The following TSC22D3 variants were observed in gnomAD, a reference collection of about 807,000 sequenced individuals.
The protein encoded by TSC22D3 is TSC22 domain family protein 3.
TSC22D3 carries 4 observed loss-of-function variants against 11.1 expected under a neutral mutation model. The observed-to-expected ratio is 0.36, with a 90% CI of 0.18 to 0.83. The LOEUF (loss-of-function observed/expected upper bound fraction) is 0.83. TSC22D3 is among the 40% of genes least tolerant of loss of function. TSC22D3 has a pLI of 0.48. For synonymous variants in TSC22D3, 77 were observed against 70.3 expected, an observed-to-expected ratio of 1.10 and a Z score of -0.48; for missense variants, 118 against 159.4, an observed-to-expected ratio of 0.74 and a Z score of 1.40.
chrX:107,722,044 G>C lies in TSC22D3; in HGVS notation c.321-6094C>G, dbSNP rs752496806. The C allele has an allele frequency of 8.6e-6, 3 of 349,628 alleles. No homozygotes were observed. In the South Asian group the frequency reaches 2.6e-4, roughly 31 times the overall value. 28.8% of individuals were successfully genotyped at this position (349,628 alleles called of 1,213,427 possible). On this transcript the variant is annotated intron_variant, in intron 1 of 2. Transcript: ENST00000372383. Reference sequence around the variant, plus strand: ...TTTCATGGAAAATCCCCAAAGTCCAGAAGGAGGGAAGCAAGAAGGAAAGAC... The same window carrying C: ...TTTCATGGAAAATCCCCAAAGTCCACAAGGAGGGAAGCAAGAAGGAAAGAC...
At chrX:107,741,774 G>C (rs1262004198) in intron 1 of TSC22D3, among the ~76,000 whole-genome samples, 2 of 111,815 alleles carry the variant, frequency 1.8e-5, no homozygotes, top group African/African-American at 6.5e-5. Flanking sequence ...TACTCTCTGT[G>C]GTCCAAGGAA....
chrX:107,717,423 C>A (rs1367420727), intron 1 of TSC22D3, among the ~76,000 whole-genome samples: 1 of 112,654 alleles, frequency 8.9e-6, no homozygotes, highest in Non-Finnish European at 1.9e-5. Flanking sequence ...CCATGTCATA[C>A]TCCCTGGACA....
intron 1 of TSC22D3, among the ~76,000 whole-genome samples, chrX:107,721,686 G>T (rs183876149): frequency 1.8e-5 from 2 of 112,005 alleles, no homozygotes; most frequent in African/African-American, 6.5e-5. Context: ...AGGTGCGGGA[G>T]AAGCCACAAA....
chrX:107,754,265 A>G (rs754260439), intron 1 of TSC22D3, among the ~76,000 whole-genome samples: 4 of 111,213 alleles, frequency 3.6e-5, no homozygotes, highest in Non-Finnish European at 5.7e-5. Context: ...TTTCTCCTAC[A>G]TTATCTCTTA....
intron 1 of TSC22D3, among the ~76,000 whole-genome samples, chrX:107,767,543 A>G (rs1929721914): frequency 8.9e-6 from 1 of 112,349 alleles, no homozygotes; most frequent in African/African-American, 3.2e-5. Context: ...TACTGATGAA[A>G]TTCCCTCCTG....
intron 1 of TSC22D3, among the ~76,000 whole-genome samples, chrX:107,738,641 G>C (rs1378087716): frequency 8.8e-6 from 1 of 113,376 alleles, no homozygotes; most frequent in Non-Finnish European, 1.9e-5. Context: ...ATGGGGCATA[G>C]GGAGTCTGGC....
At chrX:107,743,684 G>T (rs1051020276) in intron 1 of TSC22D3, among the ~76,000 whole-genome samples, 3 of 112,026 alleles carry the variant, frequency 2.7e-5, no homozygotes, top group Non-Finnish European at 3.8e-5. Context: ...TCACATGTAG[G>T]GCTCGATGTC....
At chrX:107,772,794 T>G (rs1172099191) in intron 1 of TSC22D3, among the ~76,000 whole-genome samples, 1 of 111,543 alleles carries the variant, frequency 9.0e-6, no homozygotes, top group African/African-American at 3.3e-5. Context: ...GAGGCTGCAG[T>G]GAGCTGTGAT....
chrX:107,751,317 G>C (rs1040857121), intron 1 of TSC22D3, among the ~76,000 whole-genome samples: 3 of 111,772 alleles, frequency 2.7e-5, no homozygotes, highest in Non-Finnish European at 5.6e-5. Flanking sequence ...CTTGGCGAGG[G>C]GTTACTTCCC....
intron 1 of TSC22D3, among the ~76,000 whole-genome samples, chrX:107,766,461 C>A (rs192396236): frequency 1.0e-5 from 1 of 95,524 alleles, no homozygotes; most frequent in Non-Finnish European, 2.1e-5. Flanking sequence ...CGCCCCCCCC[C>A]CAACAACTCC....
rs1930103281 is a variant in TSC22D3 at position 107,775,605 on chromosome X, G to T, written c.-186C>A. 1.0e-5 allele frequency: 4 copies of T among 385,278 alleles called. No individual in the cohort carries two copies. Among genetic ancestry groups the T allele is most frequent in the Non-Finnish European group, 1.8e-5 (4 of 223,887 alleles). The allele number at this position is 385,278 out of a possible 1,213,427, so 31.8% of individuals were successfully genotyped here. A position where few individuals can be genotyped will look rare whatever the true frequency, so the allele number is the denominator to read the frequency against. On this transcript the variant is annotated 5_prime_UTR_variant, in exon 1 of 3. Coordinates refer to ENST00000372383, the MANE Select transcript of TSC22D3 (RefSeq NM_198057.3). ...CCCCCTTCTGGCTGTACTGCTCCGG[G>T]TGCGAATAGAAACAGCTGGACAAAC...
At chrX:107,769,050 C>T (rs1187756938) in intron 1 of TSC22D3, among the ~76,000 whole-genome samples, 1 of 112,655 alleles carries the variant, frequency 8.9e-6, no homozygotes, top group African/African-American at 3.2e-5. Context: ...GACATTTGCT[C>T]ATTTTATGAC....
intron 1 of TSC22D3, among the ~76,000 whole-genome samples, chrX:107,730,669 G>A (rs147737200): frequency 0.012 from 1,376 of 111,988 alleles, 4 homozygotes; most frequent in Non-Finnish European, 0.02. Flanking sequence ...CTGGGGAGGG[G>A]ACAAAAGACC....
intron 1 of TSC22D3, among the ~76,000 whole-genome samples, chrX:107,742,164 G>A (rs990566773): frequency 6.4e-5 from 7 of 110,118 alleles, no homozygotes; most frequent in Non-Finnish European, 1.1e-4. Context: ...GGGCTTCCGG[G>A]TGCCTTCACA....
chrX:107,727,968 G>A (rs948342539), intron 1 of TSC22D3, among the ~76,000 whole-genome samples: 5 of 111,809 alleles, frequency 4.5e-5, no homozygotes, highest in East Asian at 2.8e-4. Context: ...TTTCTAGCAC[G>A]ACTGAAGGCA....
chrX:107,774,300 T>G (rs182601141), intron 1 of TSC22D3, among the ~76,000 whole-genome samples: 4 of 111,502 alleles, frequency 3.6e-5, no homozygotes, highest in African/African-American at 1.3e-4. Flanking sequence ...AGCAGCTGCC[T>G]TGGGTCTTCC....
At chrX:107,725,729 T>C (rs1443368035) in intron 1 of TSC22D3, among the ~76,000 whole-genome samples, 2 of 111,855 alleles carry the variant, frequency 1.8e-5, no homozygotes, top group East Asian at 5.6e-4. Context: ...TGCCTCTCTG[T>C]TAAGAGGAAC....
At chrX:107,722,737 A>G (rs1927406438) in intron 1 of TSC22D3, among the ~76,000 whole-genome samples, 1 of 111,447 alleles carries the variant, frequency 9.0e-6, no homozygotes, top group African/African-American at 3.3e-5. Flanking sequence ...ATCTACAAGC[A>G]GGAAATAGAT....
intron 1 of TSC22D3, among the ~76,000 whole-genome samples, chrX:107,719,496 G>A (rs1927222858): frequency 8.9e-6 from 1 of 112,391 alleles, no homozygotes; most frequent in Non-Finnish European, 1.9e-5. Flanking sequence ...CAAGGTTTAG[G>A]CACTGTCACT....
Sources: allele counts gnomAD v4.1 joint callset (sites outside exome capture counted in the v4.1 genomes callset), GRCh38; gene constraint gnomAD v4.1.1; transcripts MANE v1.5; gene names NCBI Gene and HGNC (gene_info 2026-07-23, HGNC 2026-07-21).